ANAPC7: variants seen among roughly 807,000 people sequenced by gnomAD.
ANAPC7 encodes the protein anaphase promoting complex subunit 7.
A neutral mutation model predicts 63.3 loss-of-function variants in ANAPC7; 25 were observed. That is an observed-to-expected ratio of 0.39 (90% confidence interval 0.29 to 0.55). The LOEUF is 0.55. Ranked by LOEUF, ANAPC7 falls within the 20% of genes least tolerant of loss-of-function variation. The probability of loss-of-function intolerance (pLI) is 0.57; values close to 1 mark genes in which losing one functional copy is unlikely to be tolerated. For missense variants in ANAPC7, 516 were observed against 691.7 expected (o/e 0.75, Z 2.85); for synonymous variants, 241 against 251.7 (o/e 0.96, Z 0.40).
rs764442142 is a variant in ANAPC7 at position 110,381,955 on chromosome 12, A to AG, written c.936-8_936-7insC. The AG allele has an allele frequency of 7.0e-3, 2,993 of 425,958 alleles. 1 individual carries two copies. Among genetic ancestry groups the AG allele is most frequent in the Middle Eastern group, 0.012 (18 of 1,458 alleles). 26.4% of individuals were successfully genotyped at this position (425,958 alleles called of 1,614,324 possible). A position where few individuals can be genotyped will look rare whatever the true frequency, so the allele number is the denominator to read the frequency against. On this transcript the variant is annotated splice_polypyrimidine_tract_variant and splice_region_variant and intron_variant, in intron 7 of 10. Coordinates refer to ENST00000455511, the MANE Select transcript of ANAPC7 (RefSeq NM_016238.3). ...GCTATAGAAGCTGTGACAGCTGGAG[A>AG]AAAAAAAAAAAAAAAAAACACAAAA...
intron 5 of ANAPC7, chr12:110,387,498 G>T (rs2137956493): frequency 2.9e-6 from 1 of 346,610 alleles, no homozygotes; most frequent in South Asian, 7.6e-5. Context: ...CTTTGCAAGG[G>T]TTACTACCTG....
chr12:110,400,250 A>C (rs1276522687), intron 1 of ANAPC7, among the ~76,000 whole-genome samples: 1 of 152,236 alleles, frequency 6.6e-6, no homozygotes, highest in Admixed American at 6.5e-5. Flanking sequence ...TATGCATATA[A>C]GATACATGTC....
intron 10 of ANAPC7, among the ~76,000 whole-genome samples, chr12:110,374,595 T>G (rs928760946): frequency 6.6e-6 from 1 of 152,132 alleles, no homozygotes; most frequent in Non-Finnish European, 1.5e-5. Context: ...TTCATACCTA[T>G]TACCCCTAGC....
At chr12:110,387,957 C>A (rs748942760) in intron 4 of ANAPC7, 65 bp from the exon 5 acceptor site, 15 of 1,556,442 alleles carry the variant, frequency 9.6e-6, no homozygotes, top group Non-Finnish European at 1.3e-5. Flanking sequence ...ATGCAAGGAG[C>A]AACGGGCTAC....
rs1031883640 is a variant in ANAPC7 at position 110,382,874 on chromosome 12, C to G, written c.904G>C (p.Asp302His). Residue 302 changes from aspartate to histidine, a missense_variant, in exon 7 of 11, where the codon GAT becomes CAT. This residue lies in a region of ANAPC7 where 199 missense variants were observed against 249.3 expected (regional missense o/e 0.80). Coordinates refer to ENST00000455511, the MANE Select transcript of ANAPC7 (RefSeq NM_016238.3). ...ACCACCCACGGTTCTGCATGCTGATCAGAGATATTGAAAAGGCGGCATCCA... is the reference window on the plus strand; with the variant it reads ...ACCACCCACGGTTCTGCATGCTGATGAGAGATATTGAAAAGGCGGCATCCA... ...NLGCRLFNIS[D>H]QHAEPWVVSG... The G allele has an allele frequency of 1.9e-6, 3 of 1,613,924 alleles. No individual in the cohort carries two copies. The East Asian group carries it at 6.7e-5, about 36-fold the overall frequency.
Position 110,396,415 on chromosome 12 carries a change from C to A in ANAPC7, c.139G>T (p.Val47Leu), listed in dbSNP as rs61942589. ...FSPPQKYQLL[V>L]YHADSLFHDK... ...TGAAAGAGAGAATCTGCATGATACA[C>A]CAAAAGCTGGTACTTCTGAGGTGGG... The change falls in exon 2 of 11, where the codon GTG becomes TTG. Residue 47 changes from valine (V) to leucine (L), a missense_variant. Physicochemically the swap from Val to Leu is conservative, Grantham distance 32. This residue lies in a region of ANAPC7 where 185 missense variants were observed against 200.3 expected (regional missense o/e 0.92). Coordinates refer to ENST00000455511, the MANE Select transcript of ANAPC7 (RefSeq NM_016238.3). 6.2e-7 allele frequency: 1 copy of A among 1,612,970 alleles called. No homozygotes were observed. The highest frequency in any genetic ancestry group is 8.5e-7 in the Non-Finnish European group (1 of 1,179,736).
chr12:110,375,233 A>G (rs1881157056), intron 10 of ANAPC7, among the ~76,000 whole-genome samples: 1 of 151,792 alleles, frequency 6.6e-6, no homozygotes, highest in Non-Finnish European at 1.5e-5. Context: ...TGCCCTCTGG[A>G]CTCCCACCTT....
chr12:110,377,790 T>C, intron 8 of ANAPC7, 173 bp from the exon 9 acceptor site: 1 of 1,446,328 alleles, frequency 6.9e-7, no homozygotes, highest in Non-Finnish European at 9.1e-7. Flanking sequence ...AGCTAAGAAG[T>C]GCTCTTCCCC....
Position 110,397,018 on chromosome 12 carries a change from G to T in ANAPC7, c.102-566C>A, listed in dbSNP as rs368036319. On this transcript the variant is annotated intron_variant, in intron 1 of 10. Coordinates refer to ENST00000455511, the MANE Select transcript of ANAPC7 (RefSeq NM_016238.3). The stretch of plus-strand genomic sequence containing the variant: ...GGAGATCGAGACCATCCTGGCTAAC[G>T]CGGTGAAACCCCATCTCTACTAAAA... Among the ~76,000 whole-genome samples, 57 of 147,064 alleles carry T rather than the reference G, an allele frequency of 3.9e-4. 1 individual carries two copies. In the South Asian group the frequency reaches 0.011, roughly 27 times the overall value.
At chr12:110,391,129 G>A (rs1566272761) in intron 3 of ANAPC7, among the ~76,000 whole-genome samples, 1 of 152,154 alleles carries the variant, frequency 6.6e-6, no homozygotes, top group Non-Finnish European at 1.5e-5. Flanking sequence ...GGTGGAGGTT[G>A]CAGTGAGCTG....
chr12:110,392,926 G>A (rs1275427867), intron 3 of ANAPC7, among the ~76,000 whole-genome samples: 1 of 152,120 alleles, frequency 6.6e-6, no homozygotes, highest in Non-Finnish European at 1.5e-5. Context: ...CTCCAGAGTA[G>A]CTGAGATTAC....
intron 1 of ANAPC7, among the ~76,000 whole-genome samples, chr12:110,398,711 A>G (rs2062178314): frequency 6.6e-6 from 1 of 152,282 alleles, no homozygotes; most frequent in East Asian, 1.9e-4. Flanking sequence ...TAATCCCAGC[A>G]CTTTGTGAGG....
chr12:110,390,168 A>C (rs1041404783), intron 3 of ANAPC7, among the ~76,000 whole-genome samples: 1 of 151,750 alleles, frequency 6.6e-6, no homozygotes, highest in Non-Finnish European at 1.5e-5. Context: ...TCCTGGGTTC[A>C]AGTGATTCTC....
chr12:110,387,867 C>G lies in ANAPC7; in HGVS notation c.546G>C (p.Gly182=). 2 of 1,614,018 alleles carry G rather than the reference C, an allele frequency of 1.2e-6. No individual in the cohort carries two copies. The highest frequency in any genetic ancestry group is 1.7e-6 in the Non-Finnish European group (2 of 1,179,978). ...TCATTGTCATGGATGCCACCTCTGCCCCTTTTACAGAAAGGGACAACAAGC... is the reference window on the plus strand; with the variant it reads ...TCATTGTCATGGATGCCACCTCTGCGCCTTTTACAGAAAGGGACAACAAGC... ...ILGLLSLSVK[G]AEVASMTMNV... is the part of the protein sequence containing the mutation. The change falls in exon 5 of 11, where the codon GGG becomes GGC. Residue 182 remains glycine, a synonymous_variant. Coordinates refer to ENST00000455511, the MANE Select transcript of ANAPC7 (RefSeq NM_016238.3).
chr12:110,396,491 C>T, intron 1 of ANAPC7, 39 bp from the exon 2 acceptor site: 2 of 1,490,912 alleles, frequency 1.3e-6, no homozygotes, highest in Non-Finnish European at 9.0e-7. Flanking sequence ...CTTTTCCTCC[C>T]TTTCAATCCA....
chr12:110,381,740 TTTC>T lies in ANAPC7; in HGVS notation c.1132+9_1132+11del. ...ACGGATTCACACCATTCACCTATGTTTTCTTTCTTACCTTCATAACAATCTAAG... is the reference window on the plus strand; with the variant it reads ...ACGGATTCACACCATTCACCTATGTTTTTCTTACCTTCATAACAATCTAAG... On this transcript the variant is annotated intron_variant, in intron 8 of 10. Transcript: ENST00000455511. 1 of 1,611,838 alleles carries T rather than the reference TTTC, an allele frequency of 6.2e-7. No homozygotes were observed. The highest frequency in any genetic ancestry group is 8.5e-7 in the Non-Finnish European group (1 of 1,179,902).
At chr12:110,400,819 T>C (rs140259017) in intron 1 of ANAPC7, among the ~76,000 whole-genome samples, 86 of 150,292 alleles carry the variant, frequency 5.7e-4, no homozygotes, top group African/African-American at 2.1e-3. Context: ...GCCTAAGTCA[T>C]GGGGATCACT....
chr12:110,399,500 G>T (rs554751373), intron 1 of ANAPC7, among the ~76,000 whole-genome samples: 9 of 151,976 alleles, frequency 5.9e-5, no homozygotes, highest in Non-Finnish European at 1.2e-4. Context: ...ATTAGTGTTT[G>T]CGGGAGGAAG....
rs1253995620 is a variant in ANAPC7 at position 110,403,686 on chromosome 12, A to C, written c.-59T>G. 2 of 1,553,644 alleles carry C rather than the reference A, an allele frequency of 1.3e-6. No individual in the cohort carries two copies. Among genetic ancestry groups the C allele is most frequent in the Admixed American group, 3.9e-5 (2 of 51,138 alleles). On this transcript the variant is annotated 5_prime_UTR_variant, in exon 1 of 11. Coordinates refer to ENST00000455511, the MANE Select transcript of ANAPC7 (RefSeq NM_016238.3). ...CACTGACTCGAAAAGCCGGTAGAGG[A>C]TCCTTAGGGAAGACTCCAAAATGGC...
Sources: gnomAD v4.1 joint callset for allele counts (sites outside exome capture counted in the v4.1 genomes callset) on GRCh38, gnomAD v4.1.1 for gene constraint, gnomAD v4.1.1 regional missense constraint, MANE v1.5 for transcripts, NCBI Gene and HGNC (gene_info 2026-07-23, HGNC 2026-07-21) for gene names.